The following C1QBP variants were observed in gnomAD, a reference collection of about 807,000 sequenced individuals.
The protein encoded by C1QBP is complement C1q binding protein, also known as complement component 1 Q subcomponent-binding protein, mitochondrial.
Under a neutral mutation model 29.4 loss-of-function variants are expected in C1QBP, and 24 were observed. That is an observed-to-expected ratio of 0.82 (90% CI 0.59 to 1.15). C1QBP has a LOEUF of 1.15. C1QBP is among the 50% of genes most tolerant of loss of function. The probability of loss-of-function intolerance (pLI) is 0.00; values close to 1 mark genes in which losing one functional copy is unlikely to be tolerated. For missense variants in C1QBP, 337 were observed against 355.8 expected (o/e 0.95, Z 0.43); for synonymous variants, 182 against 149.2 (o/e 1.22, Z -1.60).
At position 5,438,115 on chromosome 17, in the gene C1QBP, G is replaced by C. The variant is rs749524694; in HGVS notation, c.383+8C>G. 71 of 1,611,796 alleles carry C rather than the reference G, an allele frequency of 4.4e-5. No homozygotes were observed. Among genetic ancestry groups the C allele is most frequent in the Non-Finnish European group, 5.7e-5 (67 of 1,179,860 alleles). On this transcript the variant is annotated splice_region_variant and intron_variant, in intron 2 of 5. Transcript: ENST00000225698. ...TTGCTGCCCTGGGATCCCCAGACCA[G>C]TACTTACTTTTCCCCGGCAACTTTC...
chr17:5,433,798 T>G, intron 3 of C1QBP, 31 bp from the exon 4 acceptor site: 1 of 1,581,066 alleles, frequency 6.3e-7, no homozygotes, highest in South Asian at 1.1e-5. Flanking sequence ...TACATGCTGC[T>G]GCTGGAAGGA....
At position 5,433,362 on chromosome 17, in the gene C1QBP, G is replaced by GCTAA; in HGVS notation, c.626_629dup (p.Phe211Ter). The GCTAA allele has an allele frequency of 1.2e-6, 2 of 1,614,136 alleles. No individual in the cohort carries two copies. The highest frequency in any genetic ancestry group is 1.7e-6 in the Non-Finnish European group (2 of 1,180,034). On this transcript the variant is annotated stop_gained and frameshift_variant, in exon 5 of 6. Transcript: ENST00000225698. LOFTEE classifies it high-confidence loss of function. ...ATTCAGACTCGCCAGTGGACTGAAAGCTAACTTCCCTGATAGAGAAGATGT... is the reference window on the plus strand; with the variant it reads ...ATTCAGACTCGCCAGTGGACTGAAAGCTAACTAACTTCCCTGATAGAGAAGATGT...
rs1916136382 is a variant in C1QBP at position 5,433,037 on chromosome 17, T to C, written c.827A>G (p.Lys276Arg). The C allele has an allele frequency of 6.2e-7, 1 of 1,613,656 alleles. No homozygotes were observed. Among genetic ancestry groups the C allele is most frequent in the Non-Finnish European group, 8.5e-7 (1 of 1,179,890 alleles). ...GCTCTACTGGCTCTTGACAAAACTCTTGAGGTCTTCAAGAAAAGTAATGTA... is the reference window on the plus strand; with the variant it reads ...GCTCTACTGGCTCTTGACAAAACTCCTGAGGTCTTCAAGAAAAGTAATGTA... Reference protein sequence around the residue: ...QEYITFLEDLKSFVKSQ With the variant: ...QEYITFLEDLRSFVKSQ The change falls in exon 6 of 6, where the codon AAG becomes AGG. Residue 276 changes from lysine to arginine, a missense_variant. Lys to Arg is a conservative substitution (Grantham distance 26). Transcript: ENST00000225698.
In C1QBP at chr17:5,438,663, A is replaced by G. The variant is rs1332993858; in HGVS notation, c.232+179T>C. 3.7e-6 allele frequency: 5 copies of G among 1,347,044 alleles called. No homozygotes were observed. In the African/African-American group the frequency reaches 4.5e-5, roughly 12 times the overall value. The allele number at this position is 1,347,044 out of a possible 1,614,324, so 83.4% of individuals were successfully genotyped here. A position where few individuals can be genotyped will look rare whatever the true frequency, so the allele number is the denominator to read the frequency against. On this transcript the variant is annotated intron_variant, in intron 1 of 5. Coordinates refer to ENST00000225698, the MANE Select transcript of C1QBP (RefSeq NM_001212.4). ...AATTTTATTCACCCCCTACCAAAAG[A>G]AAACGAAACTGCTGGATAGGGGAGG...
intron 3 of C1QBP, 73 bp from the exon 4 acceptor site, chr17:5,433,840 G>C: frequency 7.6e-7 from 1 of 1,312,934 alleles, no homozygotes; most frequent in Non-Finnish European, 1.1e-6. Flanking sequence ...TCTCTGTTCA[G>C]AGTGTCTGAT....
In C1QBP at chr17:5,439,015, C is replaced by T. The variant is rs1001036395; in HGVS notation, c.59G>A (p.Arg20His). 1.3e-5 allele frequency: 19 copies of T among 1,497,034 alleles called. No individual in the cohort carries two copies. The highest frequency in any genetic ancestry group is 1.7e-5 in the Non-Finnish European group (19 of 1,125,238). The allele number at this position is 1,497,034 out of a possible 1,614,324, so 92.7% of individuals were successfully genotyped here. A position where few individuals can be genotyped will look rare whatever the true frequency, so the allele number is the denominator to read the frequency against. The change falls in exon 1 of 6, where the codon CGC (arginine) becomes CAC (histidine). Residue 20 changes from arginine to histidine, a missense_variant. Arg to His is a conservative substitution (Grantham distance 29). Transcript: ENST00000225698. ...RVLGSSVAGL[R>H]AAAPASPFRQ... ...GAAAGGCGAGGCGGGCGCGGCAGCG[C>T]GGAGGCCGGCGACGGAGGAGCCCAG...
intron 2 of C1QBP, among the ~76,000 whole-genome samples, chr17:5,436,228 G>C (rs56100062): frequency 2.0e-5 from 3 of 151,038 alleles, no homozygotes; most frequent in Admixed American, 6.6e-5. Flanking sequence ...ACGTTCATCA[G>C]AGCATTATTT....
intron 2 of C1QBP, 54 bp downstream of exon 2, chr17:5,438,069 G>A: frequency 6.3e-7 from 1 of 1,579,352 alleles, no homozygotes; most frequent in Non-Finnish European, 8.6e-7. Flanking sequence ...ACCCAGGATG[G>A]GTCCTGCAAG....
chr17:5,438,565 A>G (rs1033600423), intron 1 of C1QBP: 8 of 735,830 alleles, frequency 1.1e-5, no homozygotes, highest in Non-Finnish European at 1.7e-5. Flanking sequence ...GCTATTTTCA[A>G]CCACGACCAT....
chr17:5,438,704 C>G (rs1916339663), intron 1 of C1QBP, 138 bp downstream of exon 1: 1 of 1,524,974 alleles, frequency 6.6e-7, no homozygotes, highest in Admixed American at 2.0e-5. Context: ...GAAATATGAT[C>G]ATACGTGGGT....
At chr17:5,433,807 G>C (rs754574374) in intron 3 of C1QBP, 40 bp from the exon 4 acceptor site, 2 of 1,546,786 alleles carry the variant, frequency 1.3e-6, no homozygotes, top group South Asian at 2.2e-5. Flanking sequence ...CTGCTGGAAG[G>C]AGATGGATGG....
At chr17:5,435,010 ATGGTTT>A in intron 2 of C1QBP, 44 bp from the exon 3 acceptor site, 7 of 1,407,470 alleles carry the variant, frequency 5.0e-6, no homozygotes, top group Non-Finnish European at 6.9e-6. Context: ...CAGACAAGGC[ATGGTTT>A]TAACCGAGCA....
At chr17:5,433,239 T>C (rs1957578450) in intron 5 of C1QBP, 54 bp downstream of exon 5, 1 of 1,612,806 alleles carries the variant, frequency 6.2e-7, no homozygotes, top group African/African-American at 1.3e-5. Context: ...CCCCTTGAAC[T>C]AGGACCCTTC....
intron 3 of C1QBP, 35 bp downstream of exon 3, chr17:5,434,838 A>T (rs749685695): frequency 4.5e-6 from 7 of 1,571,928 alleles, no homozygotes; most frequent in Non-Finnish European, 6.1e-6. Flanking sequence ...AGCCTGTCAG[A>T]ACTGAGGTAA....
At chr17:5,436,436 G>A (rs1286443890) in intron 2 of C1QBP, among the ~76,000 whole-genome samples, 1 of 151,380 alleles carries the variant, frequency 6.6e-6, no homozygotes, top group South Asian at 2.1e-4. Flanking sequence ...AAAAAATTAA[G>A]GCATACATCT....
In C1QBP at chr17:5,438,222, TTTC is replaced by T; in HGVS notation, c.281_283del (p.Arg94del). On this transcript the variant is annotated inframe_deletion, in exon 2 of 6. Transcript: ENST00000225698. ...AGGGAGGGTTTTATGCTTCTGAATT[TTTC>T]TTTCCTCCTTAATTTCATCACTCAG... 1 of 1,614,212 alleles carries T rather than the reference TTTC, an allele frequency of 6.2e-7. No homozygotes were observed. Among genetic ancestry groups the T allele is most frequent in the Non-Finnish European group, 8.5e-7 (1 of 1,180,044 alleles).
intron 2 of C1QBP, among the ~76,000 whole-genome samples, chr17:5,437,842 G>C (rs1916316140): frequency 2.0e-5 from 3 of 152,188 alleles, no homozygotes; most frequent in Non-Finnish European, 4.4e-5. Flanking sequence ...AGAGAGCAGT[G>C]TCCTATTTTA....
Position 5,433,281 on chromosome 17 carries a change from TCAAG to T in C1QBP, c.699+8_699+11del. 6.2e-7 allele frequency: 1 copy of T among 1,614,182 alleles called. No homozygotes were observed. The highest frequency in any genetic ancestry group is 1.1e-5 in the South Asian group (1 of 91,078). On this transcript the variant is annotated splice_region_variant and intron_variant, in intron 5 of 5. Transcript: ENST00000225698. ...AGGCCCAAAAGGTTCCCCCACCTTA[TCAAG>T]CACTCACCCAGTCCAAGGAATCTGT...
Position 5,434,869 on chromosome 17 carries a change from T to G in C1QBP, c.477+4A>C. On this transcript the variant is annotated splice_donor_region_variant and intron_variant, in intron 3 of 5. Transcript: ENST00000225698. ...GGTAAAAGCTGATTATAGTATTAGCTTACCTCCTGTTCTTCAACCTTCTGC... is the reference window on the plus strand; with the variant it reads ...GGTAAAAGCTGATTATAGTATTAGCGTACCTCCTGTTCTTCAACCTTCTGC... The G allele has an allele frequency of 6.2e-7, 1 of 1,609,542 alleles. No individual in the cohort carries two copies. The highest frequency in any genetic ancestry group is 1.7e-5 in the Admixed American group (1 of 60,022).
Sources: gnomAD v4.1 joint callset for allele counts (sites outside exome capture counted in the v4.1 genomes callset) on GRCh38, gnomAD v4.1.1 for gene constraint, MANE v1.5 for transcripts, NCBI Gene and HGNC (gene_info 2026-07-23, HGNC 2026-07-21) for gene names.